The following ELOVL5 variants were observed in gnomAD, a reference collection of about 807,000 sequenced individuals.
The protein encoded by ELOVL5 is ELOVL fatty acid elongase 5, also known as very long chain fatty acid elongase 5.
Under a neutral mutation model 38.6 loss-of-function variants are expected in ELOVL5, and 8 were observed. The observed-to-expected ratio is 0.21, with a 90% CI of 0.12 to 0.37. The LOEUF (loss-of-function observed/expected upper bound fraction) is 0.37. Among genes scored for constraint, ELOVL5 ranks in the 10% least tolerant of loss-of-function variants. The pLI is 1.00. For missense variants in ELOVL5, 280 were observed against 367.8 expected (o/e 0.76, Z 1.95); for synonymous variants, 127 against 133.7 (o/e 0.95, Z 0.34).
intron 1 of ELOVL5, among the ~76,000 whole-genome samples, chr6:53,308,959 T>TA (rs1446991191): frequency 6.6e-6 from 1 of 151,916 alleles, no homozygotes; most frequent in Non-Finnish European, 1.5e-5. Flanking sequence ...CGTATCAAGA[T>TA]AGAGATCAGT....
At chr6:53,275,343 CA>C in intron 4 of ELOVL5, 82 bp from the exon 5 acceptor site, 2 of 1,439,796 alleles carry the variant, frequency 1.4e-6, no homozygotes, top group Non-Finnish European at 9.6e-7. Context: ...CACTAATATC[CA>C]AAAATCTGAT....
chr6:53,348,880 C>T lies in ELOVL5; in HGVS notation c.-72G>A, dbSNP rs1466097784. The T allele has an allele frequency of 4.4e-6, 2 of 454,948 alleles. No homozygotes were observed. Among genetic ancestry groups the T allele is most frequent in the Non-Finnish European group, 8.8e-6 (2 of 226,452 alleles). 28.2% of individuals were successfully genotyped at this position (454,948 alleles called of 1,614,324 possible). A position where few individuals can be genotyped will look rare whatever the true frequency, so the allele number is the denominator to read the frequency against. On this transcript the variant is annotated 5_prime_UTR_variant, in exon 1 of 8. Coordinates refer to ENST00000304434, the MANE Select transcript of ELOVL5 (RefSeq NM_021814.5). ...CAAGGCGGCGGCGGCGGAGGGAGCGCGGGTGGCAGCCGGCGCAGAGGCGGA... is the reference window on the plus strand; with the variant it reads ...CAAGGCGGCGGCGGCGGAGGGAGCGTGGGTGGCAGCCGGCGCAGAGGCGGA...
At position 53,305,305 on chromosome 6, in the gene ELOVL5, C is replaced by A. The variant is rs1342807904; in HGVS notation, c.-8-9598G>T. 3.7e-5 allele frequency among the ~76,000 whole-genome samples: 5 copies of A among 134,722 alleles called. No individual in the cohort carries two copies. The East Asian group carries it at 9.6e-4, about 26-fold the overall frequency. 88.4% of individuals were successfully genotyped at this position (134,722 alleles called of 152,430 possible). A position where few individuals can be genotyped will look rare whatever the true frequency, so the allele number is the denominator to read the frequency against. ...GCAGAGGCGCCCCTCACCTCCCGGA[C>A]AGGGCGGCTGGCCGGGCAGGGGGCT... On this transcript the variant is annotated intron_variant, in intron 1 of 7. Coordinates refer to ENST00000304434, the MANE Select transcript of ELOVL5 (RefSeq NM_021814.5).
chr6:53,339,849 G>C (rs1047888410), intron 1 of ELOVL5, among the ~76,000 whole-genome samples: 2 of 152,178 alleles, frequency 1.3e-5, no homozygotes. Flanking sequence ...CTATGAAACA[G>C]CTTCAGATAG....
chr6:53,332,872 G>A lies in ELOVL5; in HGVS notation c.-9+15945C>T, dbSNP rs548506303. On this transcript the variant is annotated intron_variant, in intron 1 of 7. Transcript: ENST00000304434. Reference sequence around the variant, plus strand: ...CACGAAAGCCACCCTCCCCAAAAGGGTACAGCTACAGGGTGGCTTGGGCCA... The same window carrying A: ...CACGAAAGCCACCCTCCCCAAAAGGATACAGCTACAGGGTGGCTTGGGCCA... Among the ~76,000 whole-genome samples the A allele has an allele frequency of 2.4e-4, 37 of 152,300 alleles. No homozygotes were observed. The South Asian group carries it at 5.8e-3, about 24-fold the overall frequency.
intron 3 of ELOVL5, among the ~76,000 whole-genome samples, chr6:53,281,024 A>C (rs1265673988): frequency 6.6e-6 from 1 of 152,186 alleles, no homozygotes; most frequent in Non-Finnish European, 1.5e-5. Flanking sequence ...GAAACATCTC[A>C]GGAAACAAGG....
chr6:53,269,899 T>G (rs1309732077), intron 7 of ELOVL5, among the ~76,000 whole-genome samples: 3 of 152,164 alleles, frequency 2.0e-5, no homozygotes, highest in Non-Finnish European at 4.4e-5. Flanking sequence ...AAAGGACAAA[T>G]GTCTGAGCCT....
At chr6:53,300,850 T>A (rs1043835161) in intron 1 of ELOVL5, among the ~76,000 whole-genome samples, 5 of 152,174 alleles carry the variant, frequency 3.3e-5, no homozygotes, top group Non-Finnish European at 5.9e-5. Context: ...AGGGTGCCAA[T>A]CCTTATCTGC....
intron 1 of ELOVL5, among the ~76,000 whole-genome samples, chr6:53,308,598 C>A (rs1767698750): frequency 6.6e-6 from 1 of 152,088 alleles, no homozygotes; most frequent in African/African-American, 2.4e-5. Context: ...AATTCTAATT[C>A]AATAGATGCT....
chr6:53,317,040 G>A (rs1301766734), intron 1 of ELOVL5, among the ~76,000 whole-genome samples: 2 of 152,158 alleles, frequency 1.3e-5, no homozygotes, highest in Non-Finnish European at 2.9e-5. Context: ...AGTATTAAAT[G>A]TAAGAAGTTC....
rs769330168 is a variant in ELOVL5 at position 53,348,935 on chromosome 6, C to G, written c.-127G>C. 1 of 436,500 alleles carries G rather than the reference C, an allele frequency of 2.3e-6. No individual in the cohort carries two copies. The highest frequency in any genetic ancestry group is 7.8e-5 in the East Asian group (1 of 12,780). The allele number at this position is 436,500 out of a possible 1,614,324, so 27.0% of individuals were successfully genotyped here. A position where few individuals can be genotyped will look rare whatever the true frequency, so the allele number is the denominator to read the frequency against. ...GAAGGAGACACCGGTGGCTAGGACC[C>G]GCGCGATGGGAAGAGGAAGGCGCCG... On this transcript the variant is annotated 5_prime_UTR_variant, in exon 1 of 8. Transcript: ENST00000304434.
intron 1 of ELOVL5, among the ~76,000 whole-genome samples, chr6:53,346,287 C>T (rs1275712092): frequency 6.6e-6 from 1 of 152,274 alleles, no homozygotes; most frequent in East Asian, 1.9e-4. Flanking sequence ...ATATGTGCCA[C>T]ATTTTCTTTA....
chr6:53,291,972 T>A lies in ELOVL5; in HGVS notation c.59-9A>T. The A allele has an allele frequency of 1.4e-6, 2 of 1,435,916 alleles. No homozygotes were observed. The highest frequency in any genetic ancestry group is 1.9e-6 in the Non-Finnish European group (2 of 1,068,058). The allele number at this position is 1,435,916 out of a possible 1,614,324, so 88.9% of individuals were successfully genotyped here. A position where few individuals can be genotyped will look rare whatever the true frequency, so the allele number is the denominator to read the frequency against. ...TCCTTTTACTCTAGTATCTGAAAAA[T>A]TAAAAAAAATTAATGATATATAAAA... On this transcript the variant is annotated splice_polypyrimidine_tract_variant and intron_variant, in intron 2 of 7. Coordinates refer to ENST00000304434, the MANE Select transcript of ELOVL5 (RefSeq NM_021814.5).
intron 1 of ELOVL5, among the ~76,000 whole-genome samples, chr6:53,328,142 A>G (rs1042971385): frequency 8.5e-5 from 13 of 152,234 alleles, no homozygotes; most frequent in Non-Finnish European, 4.4e-5. Context: ...ACTGCCAGAT[A>G]CCTTTGGCAT....
intron 1 of ELOVL5, among the ~76,000 whole-genome samples, chr6:53,305,530 G>A (rs1237260224): frequency 6.7e-6 from 1 of 150,144 alleles, no homozygotes; most frequent in Non-Finnish European, 1.5e-5. Context: ...CAGACGGGGC[G>A]GCCGGGCAGA....
intron 5 of ELOVL5, 61 bp from the exon 6 acceptor site, chr6:53,273,405 TAAA>T (rs35189966): frequency 9.2e-4 from 1,073 of 1,172,592 alleles, no homozygotes; most frequent in Admixed American, 1.2e-3. Flanking sequence ...GAACAGGTGG[TAAA>T]AAAAAAAAAA....
At chr6:53,288,718 A>G (rs1010176793) in intron 3 of ELOVL5, among the ~76,000 whole-genome samples, 3 of 152,192 alleles carry the variant, frequency 2.0e-5, no homozygotes, top group Non-Finnish European at 2.9e-5. Context: ...TAGTAAATTT[A>G]AAGTTTCAGT....
chr6:53,278,969 C>T (rs1173153738), intron 3 of ELOVL5, among the ~76,000 whole-genome samples: 3 of 152,206 alleles, frequency 2.0e-5, no homozygotes, highest in African/African-American at 4.8e-5. Context: ...TTCTCCCCTA[C>T]GTGCACACAA....
At chr6:53,329,214 T>G (rs557588518) in intron 1 of ELOVL5, among the ~76,000 whole-genome samples, 1 of 152,272 alleles carries the variant, frequency 6.6e-6, no homozygotes, top group Admixed American at 6.5e-5. Flanking sequence ...CTGCTACTGC[T>G]ACTGCTACTA....
Sources: allele counts gnomAD v4.1 joint callset (sites outside exome capture counted in the v4.1 genomes callset), GRCh38; gene constraint gnomAD v4.1.1; transcripts MANE v1.5; gene names NCBI Gene and HGNC (gene_info 2026-07-23, HGNC 2026-07-21).